Variants in MYBPC3 observed in about 807,000 individuals in gnomAD.
MYBPC3 encodes the protein myosin-binding protein C, cardiac-type.
Under a neutral mutation model 159.3 loss-of-function variants are expected in MYBPC3, and 108 were observed. The observed-to-expected ratio is 0.68, with a 90% CI of 0.58 to 0.80. The LOEUF (loss-of-function observed/expected upper bound fraction) is 0.80. Among genes scored for constraint, MYBPC3 ranks in the 30% least tolerant of loss-of-function variants. MYBPC3 has a pLI of 0.00. For missense variants in MYBPC3, 1,631 were observed against 1,762.1 expected (o/e 0.93, Z 1.33); for synonymous variants, 730 against 702.0 (o/e 1.04, Z -0.63).
intron 17 of MYBPC3, 117 bp from the exon 18 acceptor site, chr11:47,342,273 C>A: frequency 7.8e-7 from 1 of 1,286,328 alleles, no homozygotes. Context: ...TGCATGTGGG[C>A]ATGTGAAAAC....
At chr11:47,345,692 A>G (rs537399282) in intron 12 of MYBPC3, among the ~76,000 whole-genome samples, 78 of 152,256 alleles carry the variant, frequency 5.1e-4, no homozygotes, top group Non-Finnish European at 9.4e-4. Context: ...GGGTGAGGGT[A>G]GTTAACCCAA....
In MYBPC3 at chr11:47,332,832, C is replaced by CG; in HGVS notation, c.3471dup (p.Val1158ArgfsTer11). ...ACAGCACCTGGTCTGGGGATAAAGA[C>CG]GGGCTCCTTGGTGGTGGCCGCTCTG... is the stretch of plus-strand genomic sequence containing the variant. On this transcript the variant is annotated frameshift_variant, in exon 31 of 35. Transcript: ENST00000545968. LOFTEE classifies it high-confidence loss of function. This position sits in a 1 kb window ranked among gnomAD's most constrained non-coding sequence, Gnocchi z 4.2. The CG allele has an allele frequency of 6.2e-7, 1 of 1,607,072 alleles. No homozygotes were observed. The highest frequency in any genetic ancestry group is 1.1e-5 in the South Asian group (1 of 89,712).
rs1224814897 is a variant in MYBPC3 at position 47,335,216 on chromosome 11, G to C, written c.2738-7C>G. On this transcript the variant is annotated splice_polypyrimidine_tract_variant and splice_region_variant and intron_variant, in intron 26 of 34. Coordinates refer to ENST00000545968, the MANE Select transcript of MYBPC3 (RefSeq NM_000256.3). ...GCAGCCACCCACTCTGAGCCTGGGG[G>C]TGGGGAGGGGGAGGCAAGGCCACAG... 2 of 1,577,758 alleles carry C rather than the reference G, an allele frequency of 1.3e-6. No individual in the cohort carries two copies. Among genetic ancestry groups the C allele is most frequent in the Non-Finnish European group, 1.7e-6 (2 of 1,159,248 alleles).
chr11:47,343,306 A>G (rs773839117), intron 13 of MYBPC3, 44 bp from the exon 14 acceptor site: 5 of 1,528,286 alleles, frequency 3.3e-6, no homozygotes, highest in Non-Finnish European at 3.5e-6. Context: ...GACGGGAGGA[A>G]GTGAGCCCGA....
At position 47,332,389 on chromosome 11, in the gene MYBPC3, A is replaced by G; in HGVS notation, c.3628-131T>C. The G allele has an allele frequency of 7.0e-7, 1 of 1,424,216 alleles. No homozygotes were observed. The highest frequency in any genetic ancestry group is 1.3e-5 in the South Asian group (1 of 78,934). The allele number at this position is 1,424,216 out of a possible 1,614,324, so 88.2% of individuals were successfully genotyped here. On this transcript the variant is annotated intron_variant, in intron 32 of 34. Coordinates refer to ENST00000545968, the MANE Select transcript of MYBPC3 (RefSeq NM_000256.3). The surrounding 1 kb of genome is among the most constrained non-coding windows in gnomAD (Gnocchi z 4.2). ...AGTCCCTGACTATGCCCAAGGCTGG[A>G]AACAAACATGGAACCAAGAGTGAGT...
At chr11:47,348,006 A>G in intron 6 of MYBPC3, 101 bp from the exon 7 acceptor site, 3 of 1,152,554 alleles carry the variant, frequency 2.6e-6, no homozygotes, top group Non-Finnish European at 3.8e-6. Flanking sequence ...AGACTTGCCC[A>G]TTCATGACCC....
chr11:47,332,385 C>A lies in MYBPC3; in HGVS notation c.3628-127G>T. On this transcript the variant is annotated intron_variant, in intron 32 of 34. Transcript: ENST00000545968. The surrounding 1 kb of genome is among the most constrained non-coding windows in gnomAD (Gnocchi z 4.2). ...CGAGAGTCCCTGACTATGCCCAAGG[C>A]TGGAAACAAACATGGAACCAAGAGT... The A allele has an allele frequency of 7.0e-7, 1 of 1,426,872 alleles. No homozygotes were observed. The highest frequency in any genetic ancestry group is 9.7e-7 in the Non-Finnish European group (1 of 1,035,498). The allele number at this position is 1,426,872 out of a possible 1,614,324, so 88.4% of individuals were successfully genotyped here.
At position 47,332,398 on chromosome 11, in the gene MYBPC3, T is replaced by C; in HGVS notation, c.3628-140A>G. 7.0e-7 allele frequency: 1 copy of C among 1,421,724 alleles called. No homozygotes were observed. The highest frequency in any genetic ancestry group is 2.3e-5 in the East Asian group (1 of 43,468). 88.1% of individuals were successfully genotyped at this position (1,421,724 alleles called of 1,614,324 possible). A position where few individuals can be genotyped will look rare whatever the true frequency, so the allele number is the denominator to read the frequency against. On this transcript the variant is annotated intron_variant, in intron 32 of 34. Transcript: ENST00000545968. The surrounding 1 kb of genome is among the most constrained non-coding windows in gnomAD (Gnocchi z 4.2). ...CTATGCCCAAGGCTGGAAACAAACA[T>C]GGAACCAAGAGTGAGTACCATGGCC...
Position 47,331,519 on chromosome 11 carries a change from C to G in MYBPC3, c.*224G>C. On this transcript the variant is annotated 3_prime_UTR_variant, in exon 35 of 35. Coordinates refer to ENST00000545968, the MANE Select transcript of MYBPC3 (RefSeq NM_000256.3). ...TTTCTTGAGGCCACCCTCCTTTTAC[C>G]CCAAAGATCCAGGGGCTTCCTTCAG... 1 of 259,010 alleles carries G rather than the reference C, an allele frequency of 3.9e-6. No individual in the cohort carries two copies. The allele number at this position is 259,010 out of a possible 1,614,324, so 16.0% of individuals were successfully genotyped here.
Position 47,337,454 on chromosome 11 carries a change from AGACGC to A in MYBPC3, c.2534_2538del (p.Arg845LeufsTer37), listed in dbSNP as rs397515973. The A allele has an allele frequency of 1.2e-6, 2 of 1,613,480 alleles. No homozygotes were observed. The highest frequency in any genetic ancestry group is 1.7e-6 in the Non-Finnish European group (2 of 1,179,794). ...GACATGCCGATGGCGTTGACCGCGT[AGACGC>A]GCATCTCGTACACCACGCCCTCGAT... is the stretch of plus-strand genomic sequence containing the variant. On this transcript the variant is annotated frameshift_variant, in exon 25 of 35. Coordinates refer to ENST00000545968, the MANE Select transcript of MYBPC3 (RefSeq NM_000256.3). LOFTEE classifies it high-confidence loss of function.
At chr11:47,340,144 CAT>C (rs1283750663) in intron 20 of MYBPC3, among the ~76,000 whole-genome samples, 1 of 151,838 alleles carries the variant, frequency 6.6e-6, no homozygotes, top group African/African-American at 2.4e-5. Flanking sequence ...CGCATATACA[CAT>C]ACACACAGAC....
At chr11:47,348,576 C>G (rs1411217445) in intron 5 of MYBPC3, 35 bp from the exon 6 acceptor site, 2 of 1,544,048 alleles carry the variant, frequency 1.3e-6, no homozygotes, top group Non-Finnish European at 1.8e-6. Context: ...TCAGGGGACA[C>G]CAGGGGCCGG....
intron 12 of MYBPC3, among the ~76,000 whole-genome samples, chr11:47,345,345 G>A (rs1282387329): frequency 2.0e-5 from 3 of 152,216 alleles, no homozygotes; most frequent in South Asian, 2.1e-4. Context: ...GAAACCCAGT[G>A]AGGCTGAGAC....
Position 47,346,360 on chromosome 11 carries a change from G to A in MYBPC3, c.937C>T (p.Leu313=), listed in dbSNP as rs1487512291. The A allele has an allele frequency of 4.4e-6, 7 of 1,590,914 alleles. No homozygotes were observed. Among genetic ancestry groups the A allele is most frequent in the Non-Finnish European group, 6.0e-6 (7 of 1,167,220 alleles). Residue 313 remains leucine (L), a synonymous_variant, in exon 12 of 35, where the codon CTG becomes TTG. Transcript: ENST00000545968. This position sits in a 1 kb window ranked among gnomAD's most constrained non-coding sequence, Gnocchi z 5.3. ...ACGTCCTCCTCTGCTGGTGCCTCCA[G>A]CTTCGAGTCCCTGTGTCCCGCAGTC... is the stretch of plus-strand genomic sequence containing the variant. ...DSFRTPRDSK[L]EAPAEEDVWE...
intron 7 of MYBPC3, 55 bp from the exon 8 acceptor site, chr11:47,347,735 C>A: frequency 3.2e-6 from 5 of 1,551,544 alleles, no homozygotes; most frequent in South Asian, 1.2e-5. Context: ...CTCTCCCCTG[C>A]AGCCCCCACT....
rs756214401 is a variant in MYBPC3, at chr11:47,349,973, C to T, written c.505+41G>A. 107 of 1,562,652 alleles carry T rather than the reference C, an allele frequency of 6.8e-5. No homozygotes were observed. In the Admixed American group the frequency reaches 7.9e-4, roughly 11 times the overall value. ...GGCTTGGGGAGTGTCCTGCTGCCCC[C>T]CCTTCCCACCCCAATGCTGGGCACA... On this transcript the variant is annotated intron_variant, in intron 4 of 34. Transcript: ENST00000545968.
Position 47,351,098 on chromosome 11 carries a change from G to A in MYBPC3, c.292+141C>T. The A allele has an allele frequency of 8.9e-7, 1 of 1,118,486 alleles. No homozygotes were observed. The highest frequency in any genetic ancestry group is 2.7e-5 in the East Asian group (1 of 37,632). 69.3% of individuals were successfully genotyped at this position (1,118,486 alleles called of 1,614,324 possible). ...AGGTCATGTGCAGAAAAGGGGGAAA[G>A]GGCGTTCCTGGCGGGGGGCACAGCC... On this transcript the variant is annotated intron_variant, in intron 2 of 34. Coordinates refer to ENST00000545968, the MANE Select transcript of MYBPC3 (RefSeq NM_000256.3). The surrounding 1 kb of genome is among the most constrained non-coding windows in gnomAD (Gnocchi z 4.2).
rs931421623 is a variant in MYBPC3 at position 47,338,121 on chromosome 11, C to A, written c.2309-327G>T. On this transcript the variant is annotated intron_variant, in intron 23 of 34. Coordinates refer to ENST00000545968, the MANE Select transcript of MYBPC3 (RefSeq NM_000256.3). The surrounding 1 kb of genome is among the most constrained non-coding windows in gnomAD (Gnocchi z 4.7). ...TCTGATCCTCCCAACCCCACCCAGT[C>A]CTCTCCTGACATGTTTCATTCATTC... is the stretch of plus-strand genomic sequence containing the variant. 2.0e-5 allele frequency among the ~76,000 whole-genome samples: 3 copies of A among 151,970 alleles called. No individual in the cohort carries two copies. Among genetic ancestry groups the A allele is most frequent in the African/African-American group, 7.3e-5 (3 of 41,366 alleles).
Position 47,338,846 on chromosome 11 carries a change from G to C in MYBPC3, c.2149-167C>G, listed in dbSNP as rs770037322. ...AAATCATCTCTGTGGCACCGACTGA[G>C]GGCAGGGGCTCGGGTTCTAGCTTTG... On this transcript the variant is annotated intron_variant, in intron 22 of 34. Coordinates refer to ENST00000545968, the MANE Select transcript of MYBPC3 (RefSeq NM_000256.3). This position sits in a 1 kb window ranked among gnomAD's most constrained non-coding sequence, Gnocchi z 4.7. Among the ~76,000 whole-genome samples the C allele has an allele frequency of 5.9e-5, 9 of 152,172 alleles. No homozygotes were observed. Among genetic ancestry groups the C allele is most frequent in the Non-Finnish European group, 1.3e-4 (9 of 68,030 alleles).
Sources: gnomAD v4.1 joint callset for allele counts (sites outside exome capture counted in the v4.1 genomes callset) on GRCh38, gnomAD v4.1.1 for gene constraint, Gnocchi (gnomAD v3.1) non-coding constraint, MANE v1.5 for transcripts, NCBI Gene and HGNC (gene_info 2026-07-23, HGNC 2026-07-21) for gene names.